PARD3: variants seen among roughly 807,000 people sequenced by gnomAD.
The protein encoded by PARD3 is partitioning defective 3 homolog.
In PARD3, 75 loss-of-function variants were observed where a neutral mutation model predicts 155.4. The observed-to-expected ratio is 0.48, with a 90% CI of 0.40 to 0.58. The LOEUF (loss-of-function observed/expected upper bound fraction) is 0.58. Ranked by LOEUF, PARD3 falls within the 20% of genes least tolerant of loss-of-function variation. The probability of loss-of-function intolerance (pLI) is 0.00; values close to 1 mark genes in which losing one functional copy is unlikely to be tolerated. For missense variants in PARD3, 1,642 were observed against 1,721.7 expected (o/e 0.95, Z 0.82); for synonymous variants, 576 against 610.5 (o/e 0.94, Z 0.83).
chr10:34,500,698 C>T (rs1030481302), intron 3 of PARD3, among the ~76,000 whole-genome samples: 8 of 152,170 alleles, frequency 5.3e-5, no homozygotes, highest in African/African-American at 1.9e-4. Context: ...GCCAAGATCA[C>T]ACCACTGCAC....
At chr10:34,268,854 C>T (rs1454568637) in intron 22 of PARD3, among the ~76,000 whole-genome samples, 2 of 152,004 alleles carry the variant, frequency 1.3e-5, no homozygotes, top group Non-Finnish European at 2.9e-5. Context: ...GTGCAGCACG[C>T]CAACATGGCA....
At chr10:34,474,342 C>G (rs192953570) in intron 3 of PARD3, among the ~76,000 whole-genome samples, 4 of 152,254 alleles carry the variant, frequency 2.6e-5, no homozygotes, top group East Asian at 1.9e-4. Context: ...GTTCATACAG[C>G]CTACAATTTA....
chr10:34,334,209 G>A (rs1835909479), intron 18 of PARD3, among the ~76,000 whole-genome samples: 1 of 151,168 alleles, frequency 6.6e-6, no homozygotes, highest in Non-Finnish European at 1.5e-5. Flanking sequence ...GTTCTCCCTT[G>A]TTATAATTTG....
At chr10:34,753,207 C>A (rs1836286980) in intron 1 of PARD3, among the ~76,000 whole-genome samples, 1 of 152,138 alleles carries the variant, frequency 6.6e-6, no homozygotes, top group African/African-American at 2.4e-5. Context: ...ACATGAGGAG[C>A]CAAAGGGGAT....
At chr10:34,622,873 AT>A (rs1197028246) in intron 2 of PARD3, among the ~76,000 whole-genome samples, 1 of 115,642 alleles carries the variant, frequency 8.6e-6, no homozygotes, top group African/African-American at 3.2e-5. Context: ...CCATATTAAT[AT>A]TATTTCTTAT....
rs1236756714 is a variant in PARD3, at chr10:34,814,917, T to C, written c.79A>G (p.Ile27Val). 10 of 1,560,834 alleles carry C rather than the reference T, an allele frequency of 6.4e-6. No individual in the cohort carries two copies. Among genetic ancestry groups the C allele is most frequent in the African/African-American group, 4.2e-5 (3 of 70,602 alleles). ...CGGTAGCGGGTCACCGCCTGCTGGA[T>C]GAGGCTGAAAACTTTCATGTGGCCG... ...GDGHMKVFSL[I>V]QQAVTRYRKA... Residue 27 changes from isoleucine to valine, a missense_variant, in exon 1 of 25, where the codon ATC (isoleucine) becomes GTC (valine). This residue lies in a region of PARD3 where 75 missense variants were observed against 65.3 expected (regional missense o/e 1.15). Coordinates refer to ENST00000374788, the MANE Select transcript of PARD3 (RefSeq NM_001184785.2).
At chr10:34,295,326 T>A (rs2570336) in intron 20 of PARD3, among the ~76,000 whole-genome samples, 98,432 of 151,982 alleles carry the variant, frequency 0.65, 32,555 homozygotes, top group African/African-American at 0.78. Context: ...ATGTCAAACC[T>A]CCACATTCTT....
chr10:34,119,012 A>T (rs1011332227), intron 24 of PARD3, among the ~76,000 whole-genome samples: 7 of 152,160 alleles, frequency 4.6e-5, no homozygotes, highest in Admixed American at 4.6e-4. Flanking sequence ...TTTGTCGGAG[A>T]ACTGGGCCAA....
intron 2 of PARD3, among the ~76,000 whole-genome samples, chr10:34,677,754 C>G (rs530283595): frequency 2.6e-5 from 4 of 152,178 alleles, no homozygotes; most frequent in South Asian, 4.1e-4. Context: ...ATGACTAACT[C>G]TCAATGGTTT....
rs1003668473 is a variant in PARD3, at chr10:34,497,530, T to G, written c.403+19449A>C. Among the ~76,000 whole-genome samples the G allele has an allele frequency of 4.6e-5, 7 of 152,334 alleles. No individual in the cohort carries two copies. The East Asian group carries it at 1.3e-3, about 29-fold the overall frequency. ...TTTCCCCACAATTAAGGTTATATTT[T>G]TTTAAAGAAAAGCTGCCTGAAGTCA... is the stretch of plus-strand genomic sequence containing the variant. On this transcript the variant is annotated intron_variant, in intron 3 of 24. Coordinates refer to ENST00000374788, the MANE Select transcript of PARD3 (RefSeq NM_001184785.2).
intron 2 of PARD3, among the ~76,000 whole-genome samples, chr10:34,695,852 T>A (rs544438949): frequency 6.6e-6 from 1 of 151,836 alleles, no homozygotes; most frequent in Non-Finnish European, 1.5e-5. Context: ...GTAGGCTGCC[T>A]GGGACACACT....
chr10:34,309,548 C>CAAAAAAAAAAAA (rs1173904388), intron 20 of PARD3, among the ~76,000 whole-genome samples: 8 of 64,032 alleles, frequency 1.2e-4, no homozygotes, highest in South Asian at 9.5e-4. Flanking sequence ...ACCCTGTCTC[C>CAAAAAAAAAAAA]AAAAAAAAAA....
At chr10:34,376,963 C>A (rs1841318861) in intron 10 of PARD3, among the ~76,000 whole-genome samples, 1 of 152,064 alleles carries the variant, frequency 6.6e-6, no homozygotes, top group Non-Finnish European at 1.5e-5. Context: ...TATGTGCAAA[C>A]CATCACACAA....
At chr10:34,140,190 T>C (rs1383040648) in intron 22 of PARD3, among the ~76,000 whole-genome samples, 2 of 152,164 alleles carry the variant, frequency 1.3e-5, no homozygotes, top group African/African-American at 2.4e-5. Flanking sequence ...GATAAAAACA[T>C]TGAAGCAGAG....
chr10:34,453,000 A>G (rs1383093785), intron 4 of PARD3, among the ~76,000 whole-genome samples: 1 of 152,174 alleles, frequency 6.6e-6, no homozygotes, highest in African/African-American at 2.4e-5. Context: ...GTGGCCTTCT[A>G]ACTGGACACA....
intron 20 of PARD3, among the ~76,000 whole-genome samples, chr10:34,294,674 A>G (rs1024504173): frequency 1.3e-5 from 2 of 152,224 alleles, no homozygotes; most frequent in Admixed American, 1.3e-4. Flanking sequence ...GGGAGCTGAC[A>G]TGTTTTTAAG....
rs188045997 is a variant in PARD3 at position 34,133,253 on chromosome 10, C to A, written c.3420-1670G>T. Among the ~76,000 whole-genome samples the A allele has an allele frequency of 2.7e-4, 41 of 152,300 alleles. 1 individual carries two copies. In the East Asian group the frequency reaches 6.2e-3, roughly 23 times the overall value. ...GAGCTTCAGGAGCTGCAGGCACCCACACCCAGACACTACCGTGGGGCTGGA... is the reference window on the plus strand; with the variant it reads ...GAGCTTCAGGAGCTGCAGGCACCCAAACCCAGACACTACCGTGGGGCTGGA... On this transcript the variant is annotated intron_variant, in intron 22 of 24. Transcript: ENST00000374788.
chr10:34,434,341 T>C (rs2076088905), intron 5 of PARD3, among the ~76,000 whole-genome samples: 1 of 152,212 alleles, frequency 6.6e-6, no homozygotes, highest in Non-Finnish European at 1.5e-5. Flanking sequence ...TCATGTGTTT[T>C]AGCTACTGTC....
chr10:34,604,720 T>C (rs2132530987), intron 2 of PARD3, among the ~76,000 whole-genome samples: 1 of 151,238 alleles, frequency 6.6e-6, no homozygotes, highest in Non-Finnish European at 1.5e-5. Context: ...AAGTGTACTT[T>C]ATTGAACTAT....
Sources: allele counts gnomAD v4.1 joint callset (sites outside exome capture counted in the v4.1 genomes callset), GRCh38; gene constraint gnomAD v4.1.1; regional missense constraint gnomAD v4.1.1; transcripts MANE v1.5; gene names NCBI Gene and HGNC (gene_info 2026-07-23, HGNC 2026-07-21).